The following HCN1 variants were observed in gnomAD, a reference collection of about 807,000 sequenced individuals.
The protein encoded by HCN1 is hyperpolarization activated cyclic nucleotide gated potassium channel 1.
Under a neutral mutation model 78.9 loss-of-function variants are expected in HCN1, and 13 were observed. The ratio of observed to expected loss-of-function variants is 0.16; its 90% CI spans 0.11 to 0.26. HCN1 has a LOEUF of 0.26. Ranked by LOEUF, HCN1 falls within the 10% of genes least tolerant of loss-of-function variation. The pLI is 1.00. For synonymous variants in HCN1, 552 were observed against 455.5 expected (o/e 1.21, Z -2.70); for missense variants, 810 against 1,154.3 (o/e 0.70, Z 4.32).
intron 4 of HCN1, among the ~76,000 whole-genome samples, chr5:45,388,174 G>T (rs1435303608): frequency 1.3e-5 from 2 of 152,050 alleles, no homozygotes; most frequent in African/African-American, 4.8e-5. Flanking sequence ...GAAATTCCAA[G>T]CATCTTCCTA....
At chr5:45,508,696 T>C (rs1427956839) in intron 2 of HCN1, among the ~76,000 whole-genome samples, 3 of 152,156 alleles carry the variant, frequency 2.0e-5, no homozygotes, top group Non-Finnish European at 2.9e-5. Flanking sequence ...ATGTCTGTGA[T>C]GTAATATCAA....
intron 6 of HCN1, among the ~76,000 whole-genome samples, chr5:45,272,683 A>G (rs1266592885): frequency 1.3e-5 from 2 of 152,072 alleles, no homozygotes; most frequent in Non-Finnish European, 2.9e-5. Context: ...ACTTTCTTTG[A>G]GGAACATAAC....
At chr5:45,303,922 A>G in intron 5 of HCN1, 83 bp from the exon 6 acceptor site, 2 of 1,171,598 alleles carry the variant, frequency 1.7e-6, no homozygotes, top group South Asian at 1.2e-5. Flanking sequence ...TAAAATATAT[A>G]CAGCATAACA....
At chr5:45,596,062 A>ATT (rs537399248) in intron 2 of HCN1, among the ~76,000 whole-genome samples, 3 of 150,814 alleles carry the variant, frequency 2.0e-5, no homozygotes, top group Non-Finnish European at 3.0e-5. Context: ...CACCCGGCTA[A>ATT]TTTTTTTTTG....
intron 2 of HCN1, among the ~76,000 whole-genome samples, chr5:45,514,313 T>C (rs1742478094): frequency 6.6e-6 from 1 of 152,152 alleles, no homozygotes; most frequent in African/African-American, 2.4e-5. Context: ...TAATATTTCA[T>C]TATTGCCACA....
intron 2 of HCN1, among the ~76,000 whole-genome samples, chr5:45,594,259 G>A (rs566769522): frequency 3.3e-5 from 5 of 152,132 alleles, no homozygotes; most frequent in Non-Finnish European, 7.3e-5. Context: ...AAGGTATCAT[G>A]ATGTAATGAT....
At chr5:45,274,015 TTTGA>T (rs1304127392) in intron 6 of HCN1, among the ~76,000 whole-genome samples, 5 of 152,166 alleles carry the variant, frequency 3.3e-5, no homozygotes, top group East Asian at 1.9e-4. Context: ...TTTTTTAGTA[TTTGA>T]TTGATTTCTT....
At chr5:45,316,251 G>A (rs1745989651) in intron 5 of HCN1, among the ~76,000 whole-genome samples, 2 of 152,086 alleles carry the variant, frequency 1.3e-5, no homozygotes, top group South Asian at 4.1e-4. Flanking sequence ...ATGCAAGGCT[G>A]GTTCAACATA....
intron 2 of HCN1, among the ~76,000 whole-genome samples, chr5:45,519,662 T>C (rs949377858): frequency 2.6e-5 from 4 of 152,000 alleles, no homozygotes; most frequent in Non-Finnish European, 5.9e-5. Context: ...ATGTCTTTCA[T>C]TCCAAATAGC....
chr5:45,415,443 C>T (rs1740100798), intron 3 of HCN1, among the ~76,000 whole-genome samples: 1 of 151,956 alleles, frequency 6.6e-6, no homozygotes, highest in Admixed American at 6.6e-5. Context: ...AGCAATACTG[C>T]TTAACTTTCC....
intron 2 of HCN1, among the ~76,000 whole-genome samples, chr5:45,548,839 T>C (rs1192943993): frequency 6.6e-5 from 10 of 151,974 alleles, no homozygotes; most frequent in African/African-American, 2.2e-4. Context: ...ACAAGCATTC[T>C]TATACACCAA....
At chr5:45,350,449 C>A (rs916315632) in intron 5 of HCN1, among the ~76,000 whole-genome samples, 1 of 152,088 alleles carries the variant, frequency 6.6e-6, no homozygotes, top group Non-Finnish European at 1.5e-5. Context: ...GAAGCATTCC[C>A]TTTGAAAACT....
chr5:45,495,864 G>A (rs1742015001), intron 2 of HCN1, among the ~76,000 whole-genome samples: 2 of 152,286 alleles, frequency 1.3e-5, no homozygotes, highest in Middle Eastern at 3.4e-3. Flanking sequence ...ATAATCATGT[G>A]GTTTTGGTCT....
chr5:45,338,798 C>T (rs1054649632), intron 5 of HCN1, among the ~76,000 whole-genome samples: 6 of 152,072 alleles, frequency 3.9e-5, no homozygotes, highest in Non-Finnish European at 8.8e-5. Flanking sequence ...TATTTCTCAT[C>T]GTTCTTACTA....
At chr5:45,314,321 A>G (rs188269308) in intron 5 of HCN1, among the ~76,000 whole-genome samples, 4 of 152,074 alleles carry the variant, frequency 2.6e-5, no homozygotes, top group Admixed American at 1.3e-4. Flanking sequence ...CTGAGAGATT[A>G]TGTCACCACC....
intron 2 of HCN1, among the ~76,000 whole-genome samples, chr5:45,491,445 G>T (rs1741883852): frequency 1.3e-5 from 2 of 151,952 alleles, no homozygotes; most frequent in Admixed American, 1.3e-4. Flanking sequence ...ATTTGAGCAG[G>T]TAGGGGCCTT....
At chr5:45,687,692 T>C (rs1029775667) in intron 1 of HCN1, among the ~76,000 whole-genome samples, 1 of 152,186 alleles carries the variant, frequency 6.6e-6, no homozygotes, top group African/African-American at 2.4e-5. Flanking sequence ...TGATTTAGTC[T>C]TCCCTCATGA....
chr5:45,497,375 T>A (rs1027810329), intron 2 of HCN1, among the ~76,000 whole-genome samples: 1 of 152,216 alleles, frequency 6.6e-6, no homozygotes, highest in East Asian at 1.9e-4. Flanking sequence ...GCTTTATGAA[T>A]CTGGGTGCTC....
chr5:45,682,189 G>A (rs1190686400), intron 1 of HCN1, among the ~76,000 whole-genome samples: 1 of 150,984 alleles, frequency 6.6e-6, no homozygotes, highest in Non-Finnish European at 1.5e-5. Context: ...AATTTCTGTT[G>A]TTTATAATCC....
Sources: gnomAD v4.1 joint callset for allele counts (sites outside exome capture counted in the v4.1 genomes callset) on GRCh38, gnomAD v4.1.1 for gene constraint, MANE v1.5 for transcripts, NCBI Gene and HGNC (gene_info 2026-07-23, HGNC 2026-07-21) for gene names.